The following ABCC8 variants were observed in gnomAD, a reference collection of about 807,000 sequenced individuals.
ABCC8 encodes ATP binding cassette subfamily C member 8.
A neutral mutation model predicts 188.0 loss-of-function variants in ABCC8; 137 were observed. The observed-to-expected ratio is 0.73, with a 90% CI of 0.63 to 0.84. The LOEUF is 0.84. Ranked by LOEUF, ABCC8 falls within the 40% of genes least tolerant of loss-of-function variation. ABCC8 has a pLI of 0.00. For synonymous variants in ABCC8, 797 were observed against 846.5 expected (o/e 0.94, Z 1.01); for missense variants, 1,750 against 2,072.7 (o/e 0.84, Z 3.02).
chr11:17,397,553 A>G, intron 31 of ABCC8, 131 bp downstream of exon 31: 1 of 1,439,206 alleles, frequency 6.9e-7, no homozygotes, highest in Non-Finnish European at 9.4e-7. Flanking sequence ...TCCTGCCCGC[A>G]CTGTCCCTCT....
chr11:17,413,658 T>C, intron 19 of ABCC8, 180 bp from the exon 20 acceptor site: 1 of 1,281,070 alleles, frequency 7.8e-7, no homozygotes, highest in South Asian at 1.3e-5. Context: ...GGTCAGCACT[T>C]CACACAGCGT....
intron 7 of ABCC8, among the ~76,000 whole-genome samples, chr11:17,452,490 C>T (rs1163232514): frequency 6.6e-6 from 1 of 152,148 alleles, no homozygotes; most frequent in African/African-American, 2.4e-5. Flanking sequence ...TCATAAGGAA[C>T]ACACAACCTA....
rs1464596413 is a variant in ABCC8 at position 17,416,757 on chromosome 11, GAAC to G, written c.2255+170_2255+172del. Among the ~76,000 whole-genome samples, 3 of 152,190 alleles carry G rather than the reference GAAC, an allele frequency of 2.0e-5. No homozygotes were observed. In the East Asian group the frequency reaches 5.8e-4, roughly 29 times the overall value. On this transcript the variant is annotated intron_variant, in intron 17 of 38. Coordinates refer to ENST00000389817, the MANE Select transcript of ABCC8 (RefSeq NM_000352.6). Reference sequence around the variant, plus strand: ...ATGTCTAAGTGTTTTCTGTCCCCAAGAACCAAATTTTGCCCTCATTGAGAATGC... The same window carrying G: ...ATGTCTAAGTGTTTTCTGTCCCCAAGCAAATTTTGCCCTCATTGAGAATGC...
chr11:17,467,520 CT>C (rs1564987190), intron 3 of ABCC8, among the ~76,000 whole-genome samples: 1 of 152,220 alleles, frequency 6.6e-6, no homozygotes, highest in East Asian at 1.9e-4. Context: ...GCTGTTTCCT[CT>C]GCCTGAAGCA....
intron 28 of ABCC8, among the ~76,000 whole-genome samples, chr11:17,402,975 T>C (rs1213515972): frequency 6.6e-6 from 1 of 152,264 alleles, no homozygotes; most frequent in Non-Finnish European, 1.5e-5. Context: ...CACAGCCTGA[T>C]GTGGGGCACA....
intron 17 of ABCC8, 131 bp downstream of exon 17, chr11:17,416,799 A>T: frequency 1.4e-6 from 2 of 1,384,470 alleles, no homozygotes; most frequent in South Asian, 2.4e-5. Flanking sequence ...CCTTAGCCCC[A>T]TGTCTCTGAA....
intron 22 of ABCC8, 78 bp downstream of exon 22, chr11:17,410,438 C>T (rs573723872): frequency 1.3e-5 from 20 of 1,504,586 alleles, no homozygotes; most frequent in African/African-American, 5.5e-5. Context: ...ACCAAGACAA[C>T]GGATTGGTTC....
At chr11:17,393,458 G>C (rs1456198353) in intron 38 of ABCC8, among the ~76,000 whole-genome samples, 1 of 152,200 alleles carries the variant, frequency 6.6e-6, no homozygotes, top group Non-Finnish European at 1.5e-5. Flanking sequence ...GCAGGCCTTG[G>C]AACCTGGAGA....
chr11:17,412,447 T>C (rs1000331952), intron 21 of ABCC8, among the ~76,000 whole-genome samples: 34 of 149,876 alleles, frequency 2.3e-4, no homozygotes, highest in South Asian at 4.3e-4. Flanking sequence ...CATTGGCTAC[T>C]GCAGAGCTCC....
chr11:17,414,343 A>C (rs919878879), intron 19 of ABCC8, among the ~76,000 whole-genome samples, 169 bp downstream of exon 19: 2 of 152,088 alleles, frequency 1.3e-5, no homozygotes, highest in African/African-American at 4.8e-5. Flanking sequence ...GCTCAGGCAC[A>C]CCTGGCCCCT....
intron 16 of ABCC8, among the ~76,000 whole-genome samples, chr11:17,423,225 T>G (rs1487372559): frequency 1.3e-5 from 2 of 151,678 alleles, no homozygotes; most frequent in South Asian, 4.2e-4. Context: ...GGCATGGTGG[T>G]GTACACCTGT....
chr11:17,429,149 T>C (rs1955733597), intron 12 of ABCC8: 2 of 176,570 alleles, frequency 1.1e-5, no homozygotes, highest in Admixed American at 1.1e-4. Flanking sequence ...GAGGCGGCTA[T>C]TCCTACCCTC....
intron 12 of ABCC8, chr11:17,429,749 T>G (rs76311556): frequency 3.3e-5 from 5 of 152,278 alleles, no homozygotes; most frequent in African/African-American, 1.2e-4. Flanking sequence ...AGGGGTGATC[T>G]TCAGACCCCA....
chr11:17,420,853 T>C (rs1213072829), intron 16 of ABCC8, among the ~76,000 whole-genome samples: 1 of 152,246 alleles, frequency 6.6e-6, no homozygotes, highest in Non-Finnish European at 1.5e-5. Flanking sequence ...TAATCTTGAC[T>C]TTTTACCAAA....
intron 8 of ABCC8, 159 bp downstream of exon 8, chr11:17,448,357 A>T (rs1956621222): frequency 2.9e-6 from 2 of 699,180 alleles, no homozygotes; most frequent in Non-Finnish European, 5.2e-6. Context: ...ATGGGACAGG[A>T]GGGACCCAGA....
Position 17,428,632 on chromosome 11 carries a change from A to T in ABCC8, c.1856T>A (p.Ile619Asn). ...ATGGGGGGCACACTGCTCCTCACGGATCTCTGCACTGGACAGGAACTCGCT... is the reference window on the plus strand; with the variant it reads ...ATGGGGGGCACACTGCTCCTCACGGTTCTCTGCACTGGACAGGAACTCGCT... ...KLSEFLSSAEIREEQCAPHEP... is the reference protein window; with the variant it reads ...KLSEFLSSAENREEQCAPHEP... The change falls in exon 13 of 39, where the codon ATC (isoleucine) becomes AAC (asparagine). Residue 619 changes from isoleucine to asparagine, a missense_variant. By Grantham distance (149) the Ile-to-Asn change is moderately radical. Coordinates refer to ENST00000389817, the MANE Select transcript of ABCC8 (RefSeq NM_000352.6). 1 of 1,613,956 alleles carries T rather than the reference A, an allele frequency of 6.2e-7. No homozygotes were observed. Among genetic ancestry groups the T allele is most frequent in the Non-Finnish European group, 8.5e-7 (1 of 1,180,018 alleles).
In ABCC8 at chr11:17,394,397, C is replaced by A. The variant is rs1368661753; in HGVS notation, c.4414G>T (p.Ala1472Ser). Residue 1472 changes from alanine to serine, a missense_variant and splice_region_variant, in exon 37 of 39, where the codon GCC becomes TCC. Coordinates refer to ENST00000389817, the MANE Select transcript of ABCC8 (RefSeq NM_000352.6). Reference protein sequence around the residue: ...VVKALPGGLDAIITEGGENFS... With the variant: ...VVKALPGGLDSIITEGGENFS... ...TTCTCCCCGCCTTCTGTGATGATGG[C>A]ATCTGAAAACAGCCCGGGGAGATGA... 6.2e-7 allele frequency: 1 copy of A among 1,614,200 alleles called. No individual in the cohort carries two copies. The highest frequency in any genetic ancestry group is 8.5e-7 in the Non-Finnish European group (1 of 1,180,052).
intron 37 of ABCC8, 165 bp from the exon 38 acceptor site, chr11:17,393,924 T>C: frequency 2.3e-6 from 2 of 884,118 alleles, no homozygotes; most frequent in Non-Finnish European, 2.7e-6. Flanking sequence ...ACTCAGGGAC[T>C]GGACTCAGCC....
At chr11:17,430,246 G>A (rs1263031398) in intron 12 of ABCC8, 2 of 172,760 alleles carry the variant, frequency 1.2e-5, no homozygotes, top group Non-Finnish European at 2.5e-5. Flanking sequence ...CTCTGGGACA[G>A]TGGCAGAGTC....
Sources: gnomAD v4.1 joint callset for allele counts (sites outside exome capture counted in the v4.1 genomes callset) on GRCh38, gnomAD v4.1.1 for gene constraint, MANE v1.5 for transcripts, NCBI Gene and HGNC (gene_info 2026-07-23, HGNC 2026-07-21) for gene names.